Variants in CFAP91 observed in about 807,000 individuals in gnomAD.
CFAP91 encodes cilia and flagella associated protein 91, also known as cilia- and flagella-associated protein 91.
CFAP91 carries 85 observed loss-of-function variants against 95.9 expected under a neutral mutation model. That is an observed-to-expected ratio of 0.89 (90% CI 0.74 to 1.06). CFAP91 has a LOEUF of 1.06. Among genes scored for constraint, CFAP91 ranks in the 50% least tolerant of loss-of-function variants. The pLI is 0.00. For synonymous variants in CFAP91, 335 were observed against 327.5 expected (o/e 1.02, Z -0.25); for missense variants, 962 against 943.4 (o/e 1.02, Z -0.26).
At chr3:119,744,407 C>T (rs1456986934) in intron 14 of CFAP91, among the ~76,000 whole-genome samples, 3 of 152,158 alleles carry the variant, frequency 2.0e-5, no homozygotes, top group South Asian at 2.1e-4. Flanking sequence ...ACACATAATA[C>T]GCACGTGTAT....
At chr3:119,754,435 C>T (rs1286986724) in intron 17 of CFAP91, among the ~76,000 whole-genome samples, 2 of 152,164 alleles carry the variant, frequency 1.3e-5, no homozygotes, top group African/African-American at 4.8e-5. Flanking sequence ...AATTCTTAGC[C>T]TATTTATATT....
chr3:119,751,391 T>C (rs564177531), intron 17 of CFAP91, among the ~76,000 whole-genome samples: 87 of 152,348 alleles, frequency 5.7e-4, no homozygotes, highest in African/African-American at 2.1e-3. Context: ...AGCTATAGAA[T>C]GTGTCAGTGT....
chr3:119,753,209 G>T (rs1204906569), intron 17 of CFAP91, among the ~76,000 whole-genome samples: 1 of 152,102 alleles, frequency 6.6e-6, no homozygotes, highest in Admixed American at 6.5e-5. Flanking sequence ...AGAAAATGTG[G>T]CTGAAAGGCT....
At chr3:119,757,498 T>A (rs2054455603) in intron 17 of CFAP91, among the ~76,000 whole-genome samples, 1 of 151,620 alleles carries the variant, frequency 6.6e-6, no homozygotes, top group Non-Finnish European at 1.5e-5. Flanking sequence ...TAAAAAAAAA[T>A]TAGCCAGGCA....
chr3:119,736,193 A>G (rs2053999160), intron 10 of CFAP91, among the ~76,000 whole-genome samples: 1 of 150,756 alleles, frequency 6.6e-6, no homozygotes, highest in African/African-American at 2.4e-5. Context: ...AACAAACCCC[A>G]TGCCTAATAG....
intron 5 of CFAP91, among the ~76,000 whole-genome samples, chr3:119,713,813 T>C (rs2053520847): frequency 1.3e-5 from 2 of 152,194 alleles, no homozygotes; most frequent in Non-Finnish European, 2.9e-5. Context: ...TACCATTTAA[T>C]AGTGTCATTT....
At chr3:119,711,339 A>G (rs1023490291) in intron 5 of CFAP91, among the ~76,000 whole-genome samples, 1 of 152,226 alleles carries the variant, frequency 6.6e-6, no homozygotes, top group Non-Finnish European at 1.5e-5. Context: ...AATGTTTTGT[A>G]TGAGCAAAAG....
At chr3:119,716,048 T>C (rs2053568567) in intron 6 of CFAP91, 1 of 534,892 alleles carries the variant, frequency 1.9e-6, no homozygotes, top group African/African-American at 1.9e-5. Flanking sequence ...CCACTTCCTT[T>C]TCATTGAGCA....
chr3:119,763,195 A>G (rs1045727791), intron 17 of CFAP91, among the ~76,000 whole-genome samples: 2 of 152,136 alleles, frequency 1.3e-5, no homozygotes, highest in South Asian at 4.1e-4. Context: ...GACACATACA[A>G]ATGGCCAACA....
intron 10 of CFAP91, among the ~76,000 whole-genome samples, chr3:119,737,162 C>A: frequency 6.6e-6 from 1 of 152,176 alleles, no homozygotes; most frequent in South Asian, 2.1e-4. Context: ...TATTAATATT[C>A]TGATTAATAT....
chr3:119,711,494 A>G (rs966020111), intron 5 of CFAP91, among the ~76,000 whole-genome samples: 1 of 152,240 alleles, frequency 6.6e-6, no homozygotes, highest in African/African-American at 2.4e-5. Flanking sequence ...GCCTGCAGTG[A>G]TGAACACCAT....
chr3:119,756,251 T>C (rs1299016309), intron 17 of CFAP91, among the ~76,000 whole-genome samples: 1 of 152,134 alleles, frequency 6.6e-6, no homozygotes, highest in African/African-American at 2.4e-5. Context: ...ACAGTTGACT[T>C]CTCATCAGAA....
intron 1 of CFAP91, 156 bp from the exon 2 acceptor site, chr3:119,706,653 C>A: frequency 3.4e-6 from 2 of 589,976 alleles, no homozygotes; most frequent in Non-Finnish European, 3.0e-6. Flanking sequence ...GTAACAGGGC[C>A]ACATGCACAA....
chr3:119,753,765 G>A (rs2107916630), intron 17 of CFAP91, among the ~76,000 whole-genome samples: 1 of 152,284 alleles, frequency 6.6e-6, no homozygotes. Flanking sequence ...CATCACCAGA[G>A]CAGTATACAC....
At chr3:119,714,134 G>A (rs1173037854) in intron 5 of CFAP91, among the ~76,000 whole-genome samples, 4 of 151,882 alleles carry the variant, frequency 2.6e-5, no homozygotes, top group Non-Finnish European at 4.4e-5. Context: ...AGGCAGAGAC[G>A]GGCGGATCAC....
chr3:119,721,034 A>G (rs889737596), intron 6 of CFAP91, among the ~76,000 whole-genome samples: 5 of 152,348 alleles, frequency 3.3e-5, no homozygotes, highest in Non-Finnish European at 7.4e-5. Flanking sequence ...ATGAAGGGCC[A>G]ACTATACTAG....
At chr3:119,724,896 C>G (rs538261817) in intron 6 of CFAP91, among the ~76,000 whole-genome samples, 4 of 152,190 alleles carry the variant, frequency 2.6e-5, no homozygotes, top group African/African-American at 4.8e-5. Context: ...AGGCGCCCAC[C>G]ACCACGCCTG....
intron 4 of CFAP91, 150 bp downstream of exon 4, chr3:119,708,824 A>ATAAATGTGT: frequency 1.8e-6 from 1 of 554,336 alleles, no homozygotes. Context: ...TCGTTAAAAC[A>ATAAATGTGT]GGAATGTAGG....
intron 13 of CFAP91, among the ~76,000 whole-genome samples, chr3:119,742,878 A>C (rs1196741147): frequency 6.6e-6 from 1 of 152,188 alleles, no homozygotes; most frequent in Non-Finnish European, 1.5e-5. Context: ...CCAGGAAGGA[A>C]GCTGAGCATA....
Sources: gnomAD v4.1 joint callset for allele counts (sites outside exome capture counted in the v4.1 genomes callset) on GRCh38, gnomAD v4.1.1 for gene constraint, MANE v1.5 for transcripts, NCBI Gene and HGNC (gene_info 2026-07-23, HGNC 2026-07-21) for gene names.